Variants in ABHD1 observed in about 807,000 individuals in gnomAD.
ABHD1 encodes protein ABHD1.
Under a neutral mutation model 41.4 loss-of-function variants are expected in ABHD1, and 47 were observed. The ratio of observed to expected loss-of-function variants is 1.13; its 90% CI spans 0.90 to 1.45. ABHD1 has a LOEUF of 1.45. Among genes scored for constraint, ABHD1 ranks in the 40% most tolerant of loss-of-function variants. The pLI, the probability that ABHD1 is intolerant of heterozygous loss-of-function variation, is 0.00. For missense variants in ABHD1, 550 were observed against 503.4 expected, an observed-to-expected ratio of 1.09 and a Z score of -0.89; for synonymous variants, 205 against 203.7, an observed-to-expected ratio of 1.01 and a Z score of -0.05.
Position 27,130,135 on chromosome 2 carries a change from CAT to C in ABHD1, c.824_825del (p.Ile275ArgfsTer13). The C allele has an allele frequency of 6.2e-7, 1 of 1,614,186 alleles. No individual in the cohort carries two copies. The highest frequency in any genetic ancestry group is 8.5e-7 in the Non-Finnish European group (1 of 1,180,042). On this transcript the variant is annotated frameshift_variant, in exon 7 of 9. Coordinates refer to ENST00000316470, the MANE Select transcript of ABHD1 (RefSeq NM_032604.4). LOFTEE classifies it high-confidence loss of function. ...GAAAGGTGATTGAAAAGGTGGTGGA[CAT>C]AGACTTTGTACTACAGGTATAATAT... ...NRKVIEKVVD[I>X]DFVLQARTIR...
rs1558473958 is a variant in ABHD1 at position 27,128,464 on chromosome 2, GCA to G, written c.139_140del (p.Gln47ValfsTer24). On this transcript the variant is annotated frameshift_variant, in exon 2 of 9. Coordinates refer to ENST00000316470, the MANE Select transcript of ABHD1 (RefSeq NM_032604.4). LOFTEE classifies it high-confidence loss of function. ...LQRPRLVAGP[Q>X]FLAFLEPHCS... ...AGAGGCCTCGGCTGGTGGCTGGGCC[GCA>G]GTTTCTGGCCTTCCTGGAGCCACAC... The G allele has an allele frequency of 1.9e-6, 3 of 1,614,014 alleles. No homozygotes were observed. Among genetic ancestry groups the G allele is most frequent in the Non-Finnish European group, 1.7e-6 (2 of 1,180,008 alleles).
chr2:27,123,967 AG>A lies in ABHD1; in HGVS notation c.20del (p.Ser7ThrfsTer81). On this transcript the variant is annotated frameshift_variant, in exon 1 of 9. Coordinates refer to ENST00000316470, the MANE Select transcript of ABHD1 (RefSeq NM_032604.4). LOFTEE classifies it high-confidence loss of function. The part of the protein sequence containing the change: MLSSFL[S>X]PQNGTWADTF... ...ACACAAGATGCTGAGCTCCTTCCTG[AG>A]CCCCCAGAATGGCACCTGGGCAGAC... 6.2e-7 allele frequency: 1 copy of A among 1,614,206 alleles called. No individual in the cohort carries two copies. Among genetic ancestry groups the A allele is most frequent in the Non-Finnish European group, 8.5e-7 (1 of 1,180,016 alleles).
intron 1 of ABHD1, among the ~76,000 whole-genome samples, chr2:27,127,236 CTTTTTTT>C (rs61505752): frequency 6.5e-4 from 54 of 82,736 alleles, no homozygotes; most frequent in African/African-American, 1.5e-3. Context: ...GTAGCTTCAT[CTTTTTTT>C]TTTTTTTTTT....
chr2:27,124,965 A>ATT (rs1671899414), intron 1 of ABHD1: 1 of 151,986 alleles, frequency 6.6e-6, no homozygotes, highest in Admixed American at 6.6e-5. Context: ...ACATGAAGAA[A>ATT]CCCCATCTCT....
intron 6 of ABHD1, 59 bp downstream of exon 6, chr2:27,129,986 G>A: frequency 6.2e-7 from 1 of 1,611,208 alleles, no homozygotes; most frequent in Non-Finnish European, 8.5e-7. Context: ...GACACTCCAG[G>A]CTCTCCTAGT....
chr2:27,129,359 C>A lies in ABHD1; in HGVS notation c.502C>A (p.Arg168=), dbSNP rs201901507. 1.2e-6 allele frequency: 2 copies of A among 1,613,986 alleles called. No homozygotes were observed. The highest frequency in any genetic ancestry group is 2.7e-5 in the African/African-American group (2 of 74,898). ...NNRGCRGEEL[R]THRAFCASNT... Reference sequence around the variant, plus strand: ...CCGGGGCTGCCGTGGGGAGGAACTGCGGGTGAGTAGCTGCCTTCCTCATAG... The same window carrying A: ...CCGGGGCTGCCGTGGGGAGGAACTGAGGGTGAGTAGCTGCCTTCCTCATAG... Residue 168 remains arginine (R), a splice_region_variant and synonymous_variant, in exon 4 of 9, where the codon CGG becomes AGG. Transcript: ENST00000316470.
In ABHD1 at chr2:27,129,919, T is replaced by C. The variant is rs749634291; in HGVS notation, c.783T>C (p.Leu261=). ...CCCTCACTGCTGGGCTCTGCCAACTTGTGGAACGGTAGGGTCGTGGCAAGT... is the reference window on the plus strand; with the variant it reads ...CCCTCACTGCTGGGCTCTGCCAACTCGTGGAACGGTAGGGTCGTGGCAAGT... The part of the protein sequence containing the change: ...NQPLTAGLCQ[L]VERNRKVIEK... The change falls in exon 6 of 9, where the codon CTT becomes CTC. Residue 261 remains leucine (L), a synonymous_variant. Transcript: ENST00000316470. The C allele has an allele frequency of 1.9e-6, 3 of 1,614,000 alleles. No homozygotes were observed. In the Admixed American group the frequency reaches 5.0e-5, roughly 27 times the overall value.
intron 1 of ABHD1, 143 bp downstream of exon 1, chr2:27,124,205 C>T: frequency 1.3e-6 from 1 of 786,588 alleles, no homozygotes; most frequent in South Asian, 1.5e-5. Flanking sequence ...AGAGTCGGCT[C>T]TGCCTCTCTA....
At chr2:27,124,153 G>GCCCAACCATCCCA in intron 1 of ABHD1, 91 bp downstream of exon 1, 1 of 1,218,604 alleles carries the variant, frequency 8.2e-7, no homozygotes, top group Non-Finnish European at 1.2e-6. Context: ...GAACTGGGAT[G>GCCCAACCATCCCA]GTTGGGCTTC....
At chr2:27,124,166 C>T in intron 1 of ABHD1, 104 bp downstream of exon 1, 1 of 1,067,104 alleles carries the variant, frequency 9.4e-7, no homozygotes, top group Middle Eastern at 2.0e-4. Context: ...TGGGCTTCCC[C>T]ACAGGTGAAA....
At chr2:27,128,874 CA>C (rs1672090809) in intron 2 of ABHD1, 70 bp from the exon 3 acceptor site, 1 of 1,522,352 alleles carries the variant, frequency 6.6e-7, no homozygotes, top group Non-Finnish European at 8.9e-7. Flanking sequence ...GTGGGTGGGG[CA>C]GGGGGCAAAG....
chr2:27,129,766 G>GAT lies in ABHD1; in HGVS notation c.631_632insTA (p.Asn211IlefsTer17), dbSNP rs1553350518. ...TCCAATTCCACAGGATACTGGTGCT[G>GAT]AATCACCTGGCACAGGCCAGGCAGG... On this transcript the variant is annotated frameshift_variant, in exon 6 of 9. Transcript: ENST00000316470. LOFTEE classifies it high-confidence loss of function. 8.1e-6 allele frequency: 13 copies of GAT among 1,613,976 alleles called. No individual in the cohort carries two copies. The highest frequency in any genetic ancestry group is 1.0e-5 in the Non-Finnish European group (12 of 1,180,042).
chr2:27,130,278 C>G lies in ABHD1; in HGVS notation c.868C>G (p.Arg290Gly). 6.2e-7 allele frequency: 1 copy of G among 1,614,126 alleles called. No homozygotes were observed. Among genetic ancestry groups the G allele is most frequent in the Admixed American group, 1.7e-5 (1 of 60,018 alleles). Residue 290 changes from arginine (R) to glycine (G), a missense_variant, in exon 8 of 9, where the codon CGC becomes GGC. Arg to Gly is a moderately radical substitution (Grantham distance 125, BLOSUM62 -2). Coordinates refer to ENST00000316470, the MANE Select transcript of ABHD1 (RefSeq NM_032604.4). ...QARTIRQFDE[R>G]YTSVAFGYQD... is the part of the protein sequence containing the mutation. ...CCGTACAATCCGCCAGTTTGATGAG[C>G]GCTACACATCTGTGGCCTTTGGATA...
intron 1 of ABHD1, chr2:27,124,314 G>C (rs1051408798): frequency 1.7e-6 from 1 of 597,028 alleles, no homozygotes; most frequent in Non-Finnish European, 3.1e-6. Flanking sequence ...GGGAAAGGTG[G>C]GGTGGAAGGC....
In ABHD1 at chr2:27,129,302, T is replaced by C. The variant is rs2148413600; in HGVS notation, c.459-14T>C. The C allele has an allele frequency of 6.2e-7, 1 of 1,614,106 alleles. No homozygotes were observed. Among genetic ancestry groups the C allele is most frequent in the South Asian group, 1.1e-5 (1 of 91,078 alleles). On this transcript the variant is annotated splice_polypyrimidine_tract_variant and intron_variant, in intron 3 of 8. Coordinates refer to ENST00000316470, the MANE Select transcript of ABHD1 (RefSeq NM_032604.4). ...AAGAAGGGTCTGGCTAAGATGTACC[T>C]GTGTGTGCCACAGGGCTGTCGTGTT...
At chr2:27,129,443 C>T in intron 4 of ABHD1, 71 bp from the exon 5 acceptor site, 1 of 1,611,652 alleles carries the variant, frequency 6.2e-7, no homozygotes, top group South Asian at 1.1e-5. Flanking sequence ...TCCTACCTAT[C>T]CTTCCTCAGT....
chr2:27,130,363 G>A lies in ABHD1; in HGVS notation c.953G>A (p.Arg318Gln), dbSNP rs201854208. 3.8e-5 allele frequency: 61 copies of A among 1,614,136 alleles called. No homozygotes were observed. The highest frequency in any genetic ancestry group is 4.8e-5 in the Non-Finnish European group (57 of 1,180,038). ...CCTAGAACCAAGATAGATGCCATCC[G>A]GATCCCTGTGCTCTATCTCAGTGCA... is the stretch of plus-strand genomic sequence containing the variant. The part of the protein sequence containing the change: ...ASPRTKIDAI[R>Q]IPVLYLSAAD... Residue 318 changes from arginine (R) to glutamine (Q), a missense_variant, in exon 8 of 9, where the codon CGG (arginine) becomes CAG (glutamine). Coordinates refer to ENST00000316470, the MANE Select transcript of ABHD1 (RefSeq NM_032604.4).
chr2:27,129,737 C>G lies in ABHD1; in HGVS notation c.618-17C>G, dbSNP rs767336752. 6.2e-7 allele frequency: 1 copy of G among 1,613,598 alleles called. No homozygotes were observed. The highest frequency in any genetic ancestry group is 8.5e-7 in the Non-Finnish European group (1 of 1,179,970). ...AATGCAAACCCTTCTTTCATGGTCCCTTGTCCAATTCCACAGGATACTGGT... is the reference window on the plus strand; with the variant it reads ...AATGCAAACCCTTCTTTCATGGTCCGTTGTCCAATTCCACAGGATACTGGT... On this transcript the variant is annotated splice_polypyrimidine_tract_variant and intron_variant, in intron 5 of 8. Coordinates refer to ENST00000316470, the MANE Select transcript of ABHD1 (RefSeq NM_032604.4).
intron 7 of ABHD1, 32 bp from the exon 8 acceptor site, chr2:27,130,216 TATC>T: frequency 5.0e-6 from 8 of 1,614,176 alleles, no homozygotes; most frequent in South Asian, 1.1e-5. Context: ...TCCTATTCTT[TATC>T]ATCTTAGCCT....
Sources: allele counts gnomAD v4.1 joint callset (sites outside exome capture counted in the v4.1 genomes callset), GRCh38; gene constraint gnomAD v4.1.1; transcripts MANE v1.5; gene names NCBI Gene and HGNC (gene_info 2026-07-23, HGNC 2026-07-21).